The following MAST2 variants were observed in gnomAD, a reference collection of about 807,000 sequenced individuals.
MAST2 encodes the protein microtubule associated serine/threonine kinase 2.
A neutral mutation model predicts 147.4 loss-of-function variants in MAST2; 70 were observed. The ratio of observed to expected loss-of-function variants is 0.47; its 90% CI spans 0.39 to 0.58. The LOEUF is 0.58. MAST2 is among the 20% of genes least tolerant of loss of function. MAST2 has a pLI of 0.00. For synonymous variants in MAST2, 869 were observed against 896.8 expected (o/e 0.97, Z 0.55); for missense variants, 2,080 against 2,302.3 (o/e 0.90, Z 1.98).
rs771132722 is a variant in MAST2 at position 46,000,928 on chromosome 1, T to G, written c.669-1877T>G. ...GATCACTCTCTCTGGTTCCTTTGGT[T>G]CTCACTATAATGTGTATTTTTTTAC... On this transcript the variant is annotated intron_variant, in intron 6 of 28. Transcript: ENST00000361297. The G allele has an allele frequency of 3.9e-6, 5 of 1,287,054 alleles. No individual in the cohort carries two copies. The South Asian group carries it at 6.2e-5, about 16-fold the overall frequency. The allele number at this position is 1,287,054 out of a possible 1,614,324, so 79.7% of individuals were successfully genotyped here. A position where few individuals can be genotyped will look rare whatever the true frequency, so the allele number is the denominator to read the frequency against.
chr1:45,869,163 A>C (rs1646280329), intron 3 of MAST2, among the ~76,000 whole-genome samples: 1 of 152,040 alleles, frequency 6.6e-6, no homozygotes, highest in Non-Finnish European at 1.5e-5. Flanking sequence ...TCTACCTATC[A>C]ACCTTCTGAT....
chr1:46,006,348 G>A lies in MAST2; in HGVS notation c.855G>A (p.Glu285=). 7 of 1,613,768 alleles carry A rather than the reference G, an allele frequency of 4.3e-6. No individual in the cohort carries two copies. Among genetic ancestry groups the A allele is most frequent in the Non-Finnish European group, 5.9e-6 (7 of 1,179,802 alleles). Residue 285 remains glutamate (E), a synonymous_variant, in exon 8 of 29, where the codon GAG becomes GAA. Transcript: ENST00000361297. ...TCAGCACAGAGAGCGTACCAGATGA[G>A]GAAGGACGGCAGTCCCCAGCCATGC... The part of the protein sequence containing the change: ...KHFSTESVPD[E]EGRQSPAMRP...
intron 4 of MAST2, among the ~76,000 whole-genome samples, chr1:45,957,275 T>A (rs1373289848): frequency 6.6e-6 from 1 of 152,242 alleles, no homozygotes; most frequent in Non-Finnish European, 1.5e-5. Flanking sequence ...AATTCCATTA[T>A]ATGGATATAC....
Position 46,015,944 on chromosome 1 carries a change from G to A in MAST2, c.1189-3652G>A, listed in dbSNP as rs559403563. 5.9e-3 allele frequency among the ~76,000 whole-genome samples: 905 copies of A among 152,202 alleles called. 9 individuals carry two copies. Among genetic ancestry groups the A allele is most frequent in the African/African-American group, 0.021 (864 of 41,498 alleles). ...ATCCTCAATAAAATACTGGCAAACCGAATCCAGTAGTACATCAAAAAGCTT... is the reference window on the plus strand; with the variant it reads ...ATCCTCAATAAAATACTGGCAAACCAAATCCAGTAGTACATCAAAAAGCTT... On this transcript the variant is annotated intron_variant, in intron 10 of 28. Transcript: ENST00000361297.
intron 3 of MAST2, among the ~76,000 whole-genome samples, chr1:45,839,530 C>T (rs2147895125): frequency 6.6e-6 from 1 of 152,236 alleles, no homozygotes; most frequent in East Asian, 1.9e-4. Context: ...GCCCTGGCCT[C>T]CCGAAATGCT....
At chr1:45,854,615 A>G (rs957102017) in intron 3 of MAST2, among the ~76,000 whole-genome samples, 3 of 152,106 alleles carry the variant, frequency 2.0e-5, no homozygotes, top group Non-Finnish European at 4.4e-5. Flanking sequence ...ATTACATTAA[A>G]CCTATAAAGA....
In MAST2 at chr1:45,956,407, G is replaced by A. The variant is rs185676827; in HGVS notation, c.501-2979G>A. Reference sequence around the variant, plus strand: ...AGTATAATAAAGACAGCTATTCATGGAAATTTGTTCACTGCAATTGCCAAT... The same window carrying A: ...AGTATAATAAAGACAGCTATTCATGAAAATTTGTTCACTGCAATTGCCAAT... On this transcript the variant is annotated intron_variant, in intron 4 of 28. Transcript: ENST00000361297. 9.6e-4 allele frequency among the ~76,000 whole-genome samples: 146 copies of A among 152,260 alleles called. 1 individual carries two copies. Among genetic ancestry groups the A allele is most frequent in the Non-Finnish European group, 4.6e-4 (31 of 68,014 alleles).
chr1:46,030,298 T>C, intron 21 of MAST2, 60 bp downstream of exon 21: 1 of 1,514,956 alleles, frequency 6.6e-7, no homozygotes, highest in Non-Finnish European at 9.1e-7. Context: ...GAAGAGGGCC[T>C]GTCAAAGGGC....
At chr1:46,025,976 C>A (rs939843859) in intron 16 of MAST2, among the ~76,000 whole-genome samples, 161 bp downstream of exon 16, 1 of 152,190 alleles carries the variant, frequency 6.6e-6, no homozygotes, top group East Asian at 1.9e-4. Flanking sequence ...CCCGACCACC[C>A]CAGATGCAGA....
At position 46,031,560 on chromosome 1, in the gene MAST2, A is replaced by G. The variant is rs1240168057; in HGVS notation, c.3162A>G (p.Thr1054=). The change falls in exon 24 of 29, where the codon ACA becomes ACG. Residue 1054 remains threonine, a synonymous_variant. Coordinates refer to ENST00000361297, the MANE Select transcript of MAST2 (RefSeq NM_015112.3). The surrounding 1 kb of genome is among the most constrained non-coding windows in gnomAD (Gnocchi z 4.1). ...VNKVIKSASA[T]ALSLLIPSEH... ...AAGTGATCAAGTCCGCCTCAGCCAC[A>G]GCCCTCTCACTCCTCATTCCTTCGG... 1 of 1,613,720 alleles carries G rather than the reference A, an allele frequency of 6.2e-7. No individual in the cohort carries two copies.
intron 17 of MAST2, 23 bp from the exon 18 acceptor site, chr1:46,028,745 C>A (rs1473860463): frequency 2.5e-6 from 4 of 1,613,710 alleles, no homozygotes; most frequent in Non-Finnish European, 3.4e-6. Flanking sequence ...GAGGCTGAGC[C>A]AGCCTGGCTT....
chr1:45,838,131 T>C (rs1405977328), intron 3 of MAST2, among the ~76,000 whole-genome samples: 1 of 151,954 alleles, frequency 6.6e-6, no homozygotes, highest in African/African-American at 2.4e-5. Context: ...TTTCTCATTG[T>C]GGTTTTAATT....
At chr1:45,888,663 CTTTTTTTTTTTTTTTTTTTTTT>C (rs71587722) in intron 4 of MAST2, among the ~76,000 whole-genome samples, 10 of 48,684 alleles carry the variant, frequency 2.1e-4, no homozygotes, top group Admixed American at 8.6e-4. Context: ...CGCGCGGCCT[CTTTTTTTTTTTTTTTTTTTTTT>C]TTTTTTTTTT....
intron 1 of MAST2, among the ~76,000 whole-genome samples, chr1:45,822,065 T>A (rs1398620508): frequency 6.6e-6 from 1 of 151,540 alleles, no homozygotes; most frequent in Non-Finnish European, 1.5e-5. Flanking sequence ...ATTTTTGTAT[T>A]TTTAGTAGAG....
chr1:45,959,484 G>A lies in MAST2; in HGVS notation c.592+7G>A, dbSNP rs199561125. On this transcript the variant is annotated splice_region_variant and intron_variant, in intron 5 of 28. Transcript: ENST00000361297. ...CCACTCCATGGCCACACAGGTGAGT[G>A]CTTGAAGGTTAAGAAAGGTTGAATG... is the stretch of plus-strand genomic sequence containing the variant. 38 of 1,611,962 alleles carry A rather than the reference G, an allele frequency of 2.4e-5. No homozygotes were observed. The highest frequency in any genetic ancestry group is 2.8e-5 in the Non-Finnish European group (33 of 1,178,756).
chr1:46,031,105 C>T lies in MAST2; in HGVS notation c.2807C>T (p.Ala936Val), dbSNP rs201897607. 2.1e-4 allele frequency: 344 copies of T among 1,612,228 alleles called. No homozygotes were observed. The highest frequency in any genetic ancestry group is 2.7e-4 in the Non-Finnish European group (324 of 1,178,904). The part of the protein sequence containing the change: ...VRRRCSGLLD[A>V]PRFPEGPEEA... ...CGCCGCTGCTCAGGCCTCCTGGATG[C>T]GCCTCGGTTCCCGGAGGGCCCTGAG... Residue 936 changes from alanine (A) to valine (V), a missense_variant, in exon 23 of 29, where the codon GCG becomes GTG. Around this residue, in one of 4 missense-constraint regions of MAST2, gnomAD observed 1,278 missense variants for 1,304.2 expected, o/e 0.98. Transcript: ENST00000361297. This position sits in a 1 kb window ranked among gnomAD's most constrained non-coding sequence, Gnocchi z 4.1.
rs140591780 is a variant in MAST2 at position 45,869,469 on chromosome 1, G to T, written c.469-12895G>T. 6.7e-4 allele frequency among the ~76,000 whole-genome samples: 102 copies of T among 152,254 alleles called. 1 individual carries two copies. The highest frequency in any genetic ancestry group is 2.3e-3 in the African/African-American group (96 of 41,546). On this transcript the variant is annotated intron_variant, in intron 3 of 28. Coordinates refer to ENST00000361297, the MANE Select transcript of MAST2 (RefSeq NM_015112.3). The stretch of plus-strand genomic sequence containing the variant: ...ATCACAAATTGGTGGTCTGGTGACT[G>T]TTTCCTGTAGATATATTTTATTTAG...
chr1:45,933,296 A>T (rs939921039), intron 4 of MAST2, among the ~76,000 whole-genome samples: 2 of 151,562 alleles, frequency 1.3e-5, no homozygotes, highest in Non-Finnish European at 2.9e-5. Context: ...ACTTAGGTTC[A>T]CTGCTCCCGG....
At chr1:45,976,666 A>C (rs567219170) in intron 5 of MAST2, among the ~76,000 whole-genome samples, 2 of 152,364 alleles carry the variant, frequency 1.3e-5, no homozygotes, top group South Asian at 2.1e-4. Context: ...TGTTAAAATA[A>C]AAGTTATTAA....
Sources: gnomAD v4.1 joint callset for allele counts (sites outside exome capture counted in the v4.1 genomes callset) on GRCh38, gnomAD v4.1.1 for gene constraint, gnomAD v4.1.1 regional missense constraint, Gnocchi (gnomAD v3.1) non-coding constraint, MANE v1.5 for transcripts, NCBI Gene and HGNC (gene_info 2026-07-23, HGNC 2026-07-21) for gene names.